Variants in MTR observed in about 807,000 individuals in gnomAD.
MTR encodes the protein 5-methyltetrahydrofolate-homocysteine methyltransferase.
Under a neutral mutation model 154.8 loss-of-function variants are expected in MTR, and 84 were observed. That is an observed-to-expected ratio of 0.54 (90% confidence interval 0.45 to 0.65). The LOEUF (loss-of-function observed/expected upper bound fraction) is 0.65. MTR is among the 30% of genes least tolerant of loss of function. The pLI is 0.00. For synonymous variants in MTR, 554 were observed against 553.9 expected (o/e 1.00, Z 0.00); for missense variants, 1,275 against 1,570.2 (o/e 0.81, Z 3.18).
rs114318010 is a variant in MTR at position 236,813,215 on chromosome 1, T to G, written c.609+371T>G. On this transcript the variant is annotated intron_variant, in intron 6 of 32. Transcript: ENST00000366577. ...CTAGTTATCCAGCTCCCTTTCCTGA[T>G]ACAACCACTATTACCAGTTTGGGGG... 1.5e-3 allele frequency among the ~76,000 whole-genome samples: 224 copies of G among 152,298 alleles called. 1 individual carries two copies. The highest frequency in any genetic ancestry group is 4.8e-3 in the African/African-American group (201 of 41,574).
At chr1:236,872,417 C>T (rs952791461) in intron 22 of MTR, among the ~76,000 whole-genome samples, 1 of 152,126 alleles carries the variant, frequency 6.6e-6, no homozygotes, top group Non-Finnish European at 1.5e-5. Context: ...ATCAGAGTTC[C>T]CTGACAGCTC....
At chr1:236,813,342 ATATCCT>A (rs1661412231) in intron 6 of MTR, among the ~76,000 whole-genome samples, 1 of 152,230 alleles carries the variant, frequency 6.6e-6, no homozygotes, top group African/African-American at 2.4e-5. Flanking sequence ...AGAGAAGCAA[ATATCCT>A]TATACATACG....
intron 22 of MTR, among the ~76,000 whole-genome samples, chr1:236,873,255 G>A (rs1007817983): frequency 6.6e-6 from 1 of 152,162 alleles, no homozygotes; most frequent in Non-Finnish European, 1.5e-5. Context: ...AGAAAGTAGA[G>A]TAGAGGTTAC....
At chr1:236,799,952 A>T in intron 1 of MTR, 1 of 593,970 alleles carries the variant, frequency 1.7e-6, no homozygotes, top group Non-Finnish European at 2.1e-6. Context: ...TCTTGCCTAT[A>T]CGGTGGCTCA....
intron 4 of MTR, among the ~76,000 whole-genome samples, chr1:236,810,117 G>T (rs1025171157): frequency 2.0e-5 from 3 of 152,172 alleles, no homozygotes; most frequent in Non-Finnish European, 4.4e-5. Flanking sequence ...GATAGAAAAG[G>T]ATTACTTACT....
At chr1:236,808,915 A>G (rs897282955) in intron 4 of MTR, 142 bp downstream of exon 4, 11 of 766,536 alleles carry the variant, frequency 1.4e-5, no homozygotes, top group Non-Finnish European at 2.3e-5. Context: ...ACATGTTTGT[A>G]GATTACTTCT....
intron 16 of MTR, among the ~76,000 whole-genome samples, chr1:236,851,146 G>A (rs757866997): frequency 5.3e-5 from 8 of 152,134 alleles, no homozygotes; most frequent in African/African-American, 9.7e-5. Context: ...AATACTCAAC[G>A]TCACTTCTGC....
At chr1:236,885,245 T>C (rs753671886) in intron 26 of MTR, 26 bp downstream of exon 26, 1 of 1,407,710 alleles carries the variant, frequency 7.1e-7, no homozygotes. Context: ...AGATTTTTGC[T>C]TGTTTTTAAT....
chr1:236,800,340 A>C, intron 1 of MTR: 1 of 985,380 alleles, frequency 1.0e-6, no homozygotes, highest in Non-Finnish European at 1.2e-6. Flanking sequence ...CATGTGCATG[A>C]CCTATTTCCC....
At chr1:236,809,015 T>A (rs1460887456) in intron 4 of MTR, among the ~76,000 whole-genome samples, 1 of 152,228 alleles carries the variant, frequency 6.6e-6, no homozygotes, top group African/African-American at 2.4e-5. Context: ...CACCCTGGGT[T>A]AGCCTGACTT....
chr1:236,858,266 A>G (rs1246501986), intron 18 of MTR, among the ~76,000 whole-genome samples: 1 of 152,202 alleles, frequency 6.6e-6, no homozygotes, highest in Non-Finnish European at 1.5e-5. Context: ...ATGACAGCAG[A>G]TAAGAGAGGG....
intron 15 of MTR, among the ~76,000 whole-genome samples, chr1:236,841,358 G>C (rs1440224977): frequency 6.6e-6 from 1 of 152,076 alleles, no homozygotes; most frequent in Non-Finnish European, 1.5e-5. Context: ...CTCTTTATTT[G>C]TTTTCTATGA....
intron 16 of MTR, among the ~76,000 whole-genome samples, chr1:236,852,257 G>T (rs111486253): frequency 5.3e-5 from 1 of 18,764 alleles, no homozygotes; most frequent in Non-Finnish European, 1.1e-4. Flanking sequence ...GTCTTTCTGC[G>T]TGTGTGTGTG....
At chr1:236,834,603 G>A (rs1400023478) in intron 13 of MTR, among the ~76,000 whole-genome samples, 1 of 151,642 alleles carries the variant, frequency 6.6e-6, no homozygotes, top group East Asian at 1.9e-4. Flanking sequence ...AGTGCTAAAA[G>A]TTTCTATTTT....
In MTR at chr1:236,806,200, T is replaced by C; in HGVS notation, c.306T>C (p.Ser102=). 1 of 1,614,146 alleles carries C rather than the reference T, an allele frequency of 6.2e-7. No homozygotes were observed. Among genetic ancestry groups the C allele is most frequent in the Non-Finnish European group, 8.5e-7 (1 of 1,179,998 alleles). ...AAACAAATACTTTTAGCAGCACTAG[T>C]ATTGCCCAAGCTGACTATGGCCTTG... The part of the protein sequence containing the change: ...IIETNTFSST[S]IAQADYGLEH... Residue 102 remains serine, a synonymous_variant, in exon 3 of 33, where the codon AGT becomes AGC. Transcript: ENST00000366577.
At chr1:236,886,902 A>G (rs766019823) in intron 27 of MTR, among the ~76,000 whole-genome samples, 1 of 152,210 alleles carries the variant, frequency 6.6e-6, no homozygotes, top group Non-Finnish European at 1.5e-5. Context: ...ACACTGCAGC[A>G]AAGCAGGATC....
At position 236,806,352 on chromosome 1, in the gene MTR, T is replaced by C. The variant is rs1660984853; in HGVS notation, c.339+119T>C. 8.6e-6 allele frequency: 7 copies of C among 818,626 alleles called. No homozygotes were observed. In the Admixed American group the frequency reaches 1.1e-4, roughly 13 times the overall value. The allele number at this position is 818,626 out of a possible 1,614,324, so 50.7% of individuals were successfully genotyped here. A position where few individuals can be genotyped will look rare whatever the true frequency, so the allele number is the denominator to read the frequency against. On this transcript the variant is annotated intron_variant, in intron 3 of 32. Transcript: ENST00000366577. ...CAAGCTAATGCCTAGTTATCTGTTG[T>C]TTATGATGAGACAGGGAAAATGGTG... is the stretch of plus-strand genomic sequence containing the variant.
At chr1:236,852,376 T>A in intron 16 of MTR, 145 bp from the exon 17 acceptor site, 2 of 701,582 alleles carry the variant, frequency 2.9e-6, no homozygotes, top group Non-Finnish European at 5.0e-6. Context: ...TTGGTCTATG[T>A]CTAGTAACAA....
At chr1:236,879,543 G>A (rs890237042) in intron 24 of MTR, among the ~76,000 whole-genome samples, 2 of 152,174 alleles carry the variant, frequency 1.3e-5, no homozygotes, top group South Asian at 4.1e-4. Flanking sequence ...CATCTCATGG[G>A]GACTGCTGCT....
Sources: gnomAD v4.1 joint callset for allele counts (sites outside exome capture counted in the v4.1 genomes callset) on GRCh38, gnomAD v4.1.1 for gene constraint, MANE v1.5 for transcripts, NCBI Gene and HGNC (gene_info 2026-07-23, HGNC 2026-07-21) for gene names.